Variants in SHISAL2A observed in about 807,000 individuals in gnomAD.
SHISAL2A encodes shisa like 2A.
A neutral mutation model predicts 11.5 loss-of-function variants in SHISAL2A; 18 were observed. The observed-to-expected ratio is 1.57, with a 90% CI of 1.08 to 2.33. The LOEUF (loss-of-function observed/expected upper bound fraction) is 2.33, where lower values mean the gene tolerates loss of function less well. SHISAL2A is among the 30% of genes most tolerant of loss of function. The pLI, the probability that SHISAL2A is intolerant of heterozygous loss-of-function variation, is 0.00. For synonymous variants in SHISAL2A, 94 were observed against 99.6 expected, an observed-to-expected ratio of 0.94 and a Z score of 0.34; for missense variants, 261 against 250.9, an observed-to-expected ratio of 1.04 and a Z score of -0.27.
chr1:52,657,805 T>G (rs1381323627), downstream of SHISAL2A, among the ~76,000 whole-genome samples: 12 of 152,034 alleles, frequency 7.9e-5, no homozygotes. Flanking sequence ...CAGTGAGCTA[T>G]GATCACACCA....
At chr1:52,653,704 A>G (rs1240729465) in intron 2 of SHISAL2A, among the ~76,000 whole-genome samples, 1 of 152,156 alleles carries the variant, frequency 6.6e-6, no homozygotes, top group East Asian at 1.9e-4. Flanking sequence ...ATGTTCATGA[A>G]TTGCAAAACT....
chr1:52,658,165 A>C (rs1691836536), downstream of SHISAL2A, among the ~76,000 whole-genome samples: 1 of 151,896 alleles, frequency 6.6e-6, no homozygotes, highest in Non-Finnish European at 1.5e-5. Context: ...TCAGCCTCCC[A>C]AGTAATTGGG....
intron 4 of SHISAL2A, among the ~76,000 whole-genome samples, chr1:52,664,144 C>T (rs891010548): frequency 6.6e-6 from 1 of 152,030 alleles, no homozygotes; most frequent in Non-Finnish European, 1.5e-5. Flanking sequence ...AGAATTTGTC[C>T]TGCAAGACCA....
intron 4 of SHISAL2A, among the ~76,000 whole-genome samples, chr1:52,665,508 G>A (rs1691994378): frequency 6.6e-6 from 1 of 152,106 alleles, no homozygotes; most frequent in Admixed American, 6.5e-5. Context: ...CTTATCATGA[G>A]CTCATCACCC....
At chr1:52,661,907 C>T (rs1486171160), downstream of SHISAL2A, among the ~76,000 whole-genome samples, 1 of 152,080 alleles carries the variant, frequency 6.6e-6, no homozygotes, top group African/African-American at 2.4e-5. Context: ...GTGGCAGGTG[C>T]CTGTAATCCC....
intron 2 of SHISAL2A, among the ~76,000 whole-genome samples, chr1:52,646,412 G>C (rs1691500873): frequency 6.6e-6 from 1 of 151,294 alleles, no homozygotes; most frequent in South Asian, 2.1e-4. Flanking sequence ...CCTACATCAA[G>C]TACAAATAAT....
At chr1:52,659,144 C>A (rs1691857381), downstream of SHISAL2A, among the ~76,000 whole-genome samples, 1 of 151,936 alleles carries the variant, frequency 6.6e-6, no homozygotes, top group Non-Finnish European at 1.5e-5. Flanking sequence ...TAGCTCACTG[C>A]AACCTCAAAC....
At chr1:52,638,942 C>G (rs138916118) in intron 1 of SHISAL2A, among the ~76,000 whole-genome samples, 1 of 152,258 alleles carries the variant, frequency 6.6e-6, no homozygotes, top group East Asian at 1.9e-4. Context: ...ATAGCCAAGG[C>G]GGGCAGATTG....
intron 1 of SHISAL2A, among the ~76,000 whole-genome samples, chr1:52,637,317 C>G (rs769257872): frequency 1.3e-5 from 2 of 152,210 alleles, no homozygotes; most frequent in Admixed American, 1.3e-4. Context: ...ATAACTCTTC[C>G]GGCATGCTCC....
At chr1:52,650,912 T>C (rs1007689715) in intron 2 of SHISAL2A, among the ~76,000 whole-genome samples, 1 of 151,588 alleles carries the variant, frequency 6.6e-6, no homozygotes, top group African/African-American at 2.4e-5. Flanking sequence ...CCCAAAGTGC[T>C]GGAATTACAG....
chr1:52,663,830 A>G (rs550408733), intron 4 of SHISAL2A, among the ~76,000 whole-genome samples: 2 of 152,350 alleles, frequency 1.3e-5, no homozygotes, highest in East Asian at 3.9e-4. Context: ...CTTGAAGTTC[A>G]GTCTTTACAT....
In SHISAL2A at chr1:52,643,011, G is replaced by A; in HGVS notation, c.322+9G>A. 1.2e-6 allele frequency: 2 copies of A among 1,613,962 alleles called. No individual in the cohort carries two copies. Among genetic ancestry groups the A allele is most frequent in the African/African-American group, 2.7e-5 (2 of 75,050 alleles). ...GAGCTTACAGACAGCAGGTAAGGAA[G>A]TTGCCAGGTGATGTCCTTGTATTCG... On this transcript the variant is annotated intron_variant, in intron 2 of 2. Transcript: ENST00000517870.
intron 2 of SHISAL2A, among the ~76,000 whole-genome samples, chr1:52,646,492 TACACACAC>T (rs35929137): frequency 2.9e-4 from 42 of 145,366 alleles, no homozygotes; most frequent in South Asian, 2.4e-3. Context: ...TAAATATCTA[TACACACAC>T]ACACACACAC....
chr1:52,639,426 A>G (rs570498760), intron 1 of SHISAL2A, among the ~76,000 whole-genome samples: 2 of 152,264 alleles, frequency 1.3e-5, no homozygotes, highest in South Asian at 4.1e-4. Context: ...TAATATTATC[A>G]ATAAGTTCAT....
chr1:52,647,877 A>T lies in SHISAL2A; in HGVS notation c.322+4875A>T, dbSNP rs200296289. 1.0e-4 allele frequency among the ~76,000 whole-genome samples: 15 copies of T among 145,994 alleles called. No homozygotes were observed. The East Asian group carries it at 2.4e-3, about 23-fold the overall frequency. ...AAAGAAAAAAAGAAAAATCTTTATT[A>T]AAAAAAAAAAATTACATTGGCAAAT... On this transcript the variant is annotated intron_variant, in intron 2 of 2. Transcript: ENST00000517870.
intron 2 of SHISAL2A, among the ~76,000 whole-genome samples, chr1:52,649,434 T>C (rs953987275): frequency 6.6e-6 from 1 of 152,000 alleles, no homozygotes; most frequent in African/African-American, 2.4e-5. Flanking sequence ...TAGCTCTGAG[T>C]ATGGAGGCAA....
chr1:52,668,113 T>G (rs1692045545), intron 5 of SHISAL2A, among the ~76,000 whole-genome samples: 1 of 152,184 alleles, frequency 6.6e-6, no homozygotes, highest in Non-Finnish European at 1.5e-5. Flanking sequence ...TCCAGAAAAT[T>G]CTGTTCTCTC....
chr1:52,637,673 T>C (rs1384916400), intron 1 of SHISAL2A, among the ~76,000 whole-genome samples: 2 of 152,214 alleles, frequency 1.3e-5, no homozygotes, highest in Admixed American at 1.3e-4. Flanking sequence ...CATTTCATCC[T>C]TCCCACCACC....
At chr1:52,651,627 C>T (rs552512603) in intron 2 of SHISAL2A, among the ~76,000 whole-genome samples, 58 of 152,258 alleles carry the variant, frequency 3.8e-4, no homozygotes, top group Admixed American at 1.4e-3. Flanking sequence ...TCACTGCACC[C>T]TCTGCCTCCC....
Sources: gnomAD v4.1 joint callset for allele counts (sites outside exome capture counted in the v4.1 genomes callset) on GRCh38, gnomAD v4.1.1 for gene constraint, MANE v1.5 for transcripts, NCBI Gene and HGNC (gene_info 2026-07-23, HGNC 2026-07-21) for gene names.